The following MGAT4C variants were observed in gnomAD, a reference collection of about 807,000 sequenced individuals.
MGAT4C encodes alpha-1,3-mannosyl-glycoprotein 4-beta-N-acetylglucosaminyltransferase C.
In MGAT4C, 19 loss-of-function variants were observed where a neutral mutation model predicts 40.1. The observed-to-expected ratio is 0.47, with a 90% confidence interval of 0.33 to 0.70. The LOEUF (loss-of-function observed/expected upper bound fraction) is 0.70. Ranked by LOEUF, MGAT4C falls within the 30% of genes least tolerant of loss-of-function variation. MGAT4C has a pLI of 0.02. For synonymous variants in MGAT4C, 181 were observed against 187.1 expected (o/e 0.97, Z 0.27); for missense variants, 491 against 563.2 (o/e 0.87, Z 1.30).
In MGAT4C at chr12:85,961,636, G is replaced by T. The variant is rs1883116302; in HGVS notation, c.*17653C>A. 1 of 151,670 alleles carries T rather than the reference G, an allele frequency of 6.6e-6. No individual in the cohort carries two copies. The highest frequency in any genetic ancestry group is 1.5e-5 in the Non-Finnish European group (1 of 67,770). The allele number at this position is 151,670 out of a possible 1,614,324, so 9.4% of individuals were successfully genotyped here. On this transcript the variant is annotated 3_prime_UTR_variant, in exon 5 of 5. Coordinates refer to ENST00000611864, the MANE Select transcript of MGAT4C (RefSeq NM_001351288.2). ...AACTTCACCCTAAGGAAATTTCCAT[G>T]TCAGATACAATAAGAGCAACGGAAG...
At chr12:86,687,434 G>T (rs965247919) in intron 2 of MGAT4C, among the ~76,000 whole-genome samples, 1 of 152,084 alleles carries the variant, frequency 6.6e-6, no homozygotes, top group Non-Finnish European at 1.5e-5. Context: ...ATGTTAGGGT[G>T]TCAATTTTAG....
At chr12:86,293,583 TA>T (rs1177273237) in intron 4 of MGAT4C, among the ~76,000 whole-genome samples, 1 of 152,200 alleles carries the variant, frequency 6.6e-6, no homozygotes, top group Non-Finnish European at 1.5e-5. Context: ...TAAATTTGAG[TA>T]ACATGCATTG....
chr12:86,206,663 T>C (rs1950266283), intron 1 of MGAT4C, among the ~76,000 whole-genome samples: 1 of 152,144 alleles, frequency 6.6e-6, no homozygotes, highest in East Asian at 1.9e-4. Context: ...TCTCACACAC[T>C]CTTCTTCCCA....
intron 1 of MGAT4C, among the ~76,000 whole-genome samples, chr12:86,788,511 GT>G (rs1469610464): frequency 1.3e-5 from 2 of 152,036 alleles, no homozygotes; most frequent in Non-Finnish European, 1.5e-5. Flanking sequence ...TACAAGGACT[GT>G]TTTTCTTTTC....
intron 1 of MGAT4C, among the ~76,000 whole-genome samples, chr12:86,736,296 A>AT (rs1204847045): frequency 1.3e-5 from 2 of 151,624 alleles, no homozygotes; most frequent in Non-Finnish European, 3.0e-5. Flanking sequence ...ATAATTTTCT[A>AT]TTTTTTCAGC....
intron 2 of MGAT4C, among the ~76,000 whole-genome samples, chr12:86,709,773 G>C (rs534692194): frequency 1.6e-4 from 25 of 152,186 alleles, no homozygotes; most frequent in African/African-American, 5.8e-4. Context: ...GGGACCTTGA[G>C]AGTCTCATAG....
At chr12:86,645,594 A>C (rs1204797667) in intron 2 of MGAT4C, among the ~76,000 whole-genome samples, 1 of 151,794 alleles carries the variant, frequency 6.6e-6, no homozygotes, top group Non-Finnish European at 1.5e-5. Flanking sequence ...CAAAGTTTAA[A>C]ATCTTAGCAA....
At chr12:86,514,593 TA>T (rs1436564876) in intron 2 of MGAT4C, among the ~76,000 whole-genome samples, 11 of 152,334 alleles carry the variant, frequency 7.2e-5, no homozygotes, top group African/African-American at 2.6e-4. Flanking sequence ...CTCATGCTGC[TA>T]AATCTCTCTG....
chr12:86,373,617 A>C (rs190481587), intron 3 of MGAT4C, among the ~76,000 whole-genome samples: 317 of 151,964 alleles, frequency 2.1e-3, no homozygotes, highest in Non-Finnish European at 2.8e-3. Flanking sequence ...AATATTGATT[A>C]TAGGGAAATG....
chr12:86,439,377 C>T (rs953088531), intron 2 of MGAT4C, among the ~76,000 whole-genome samples: 3 of 151,830 alleles, frequency 2.0e-5, no homozygotes, highest in East Asian at 1.9e-4. Flanking sequence ...CTGAACTATG[C>T]TTAGGTTAAC....
chr12:86,562,506 C>T (rs1264798710), intron 2 of MGAT4C, among the ~76,000 whole-genome samples: 1 of 152,088 alleles, frequency 6.6e-6, no homozygotes, highest in African/African-American at 2.4e-5. Flanking sequence ...CCTACCCATG[C>T]TACCACCAGC....
intron 1 of MGAT4C, among the ~76,000 whole-genome samples, chr12:86,245,253 G>A (rs552694334): frequency 3.1e-4 from 47 of 152,190 alleles, no homozygotes; most frequent in African/African-American, 1.1e-3. Context: ...GAGTTCTCTT[G>A]CCAAAAACAG....
chr12:86,054,887 G>T (rs1359564308), intron 1 of MGAT4C, among the ~76,000 whole-genome samples: 3 of 151,572 alleles, frequency 2.0e-5, no homozygotes, highest in Admixed American at 6.6e-5. Flanking sequence ...AAACATCTCG[G>T]TTTTAAAGGA....
At chr12:86,725,618 G>C (rs373881359) in intron 2 of MGAT4C, among the ~76,000 whole-genome samples, 1 of 151,850 alleles carries the variant, frequency 6.6e-6, no homozygotes, top group Admixed American at 6.6e-5. Context: ...ACGCTGCCTC[G>C]CCCGGCTAAT....
At chr12:86,045,689 T>C (rs534285075) in intron 2 of MGAT4C, among the ~76,000 whole-genome samples, 7 of 152,352 alleles carry the variant, frequency 4.6e-5, no homozygotes, top group African/African-American at 1.7e-4. Context: ...ATCTGATTTC[T>C]ATATTTGTCT....
At chr12:86,559,634 T>C (rs1291390574) in intron 2 of MGAT4C, among the ~76,000 whole-genome samples, 2 of 151,830 alleles carry the variant, frequency 1.3e-5, no homozygotes, top group Non-Finnish European at 2.9e-5. Context: ...ACCAAAAACC[T>C]ATGGCATATA....
At chr12:86,282,530 T>G (rs984550784) in intron 4 of MGAT4C, among the ~76,000 whole-genome samples, 16 of 152,052 alleles carry the variant, frequency 1.1e-4, no homozygotes, top group Non-Finnish European at 2.9e-5. Flanking sequence ...AATAAAATAT[T>G]GAAACAGCTA....
intron 3 of MGAT4C, among the ~76,000 whole-genome samples, chr12:86,427,555 C>A (rs1956953904): frequency 6.6e-6 from 1 of 152,062 alleles, no homozygotes; most frequent in East Asian, 1.9e-4. Flanking sequence ...TGTGCACACA[C>A]CCTCTTATCC....
chr12:86,204,404 C>A (rs1049242020), intron 1 of MGAT4C, among the ~76,000 whole-genome samples: 2 of 152,012 alleles, frequency 1.3e-5, no homozygotes, highest in Non-Finnish European at 2.9e-5. Context: ...ATAAAAATAA[C>A]TGCTGCAAAG....
Sources: gnomAD v4.1 joint callset for allele counts (sites outside exome capture counted in the v4.1 genomes callset) on GRCh38, gnomAD v4.1.1 for gene constraint, MANE v1.5 for transcripts, NCBI Gene and HGNC (gene_info 2026-07-23, HGNC 2026-07-21) for gene names.